The following CLMN variants were observed in gnomAD, a reference collection of about 807,000 sequenced individuals.
CLMN encodes the protein calmin, also known as calmin (calponin-like, transmembrane).
In CLMN, 57 loss-of-function variants were observed where a neutral mutation model predicts 92.7. The ratio of observed to expected loss-of-function variants is 0.61; its 90% CI spans 0.50 to 0.77. The LOEUF (loss-of-function observed/expected upper bound fraction) is 0.77, where lower values mean the gene tolerates loss of function less well. CLMN is among the 30% of genes least tolerant of loss of function. The pLI is 0.00. For missense variants in CLMN, 1,158 were observed against 1,237.5 expected (o/e 0.94, Z 0.96); for synonymous variants, 466 against 470.6 (o/e 0.99, Z 0.13).
intron 1 of CLMN, among the ~76,000 whole-genome samples, chr14:95,265,889 C>A (rs77414213): frequency 0.09 from 13,751 of 152,208 alleles, 630 homozygotes; most frequent in African/African-American, 0.12. Context: ...AACAGCTCCA[C>A]AACACAATCC....
intron 1 of CLMN, among the ~76,000 whole-genome samples, chr14:95,279,408 A>G (rs1900058094): frequency 6.6e-6 from 1 of 152,220 alleles, no homozygotes; most frequent in African/African-American, 2.4e-5. Flanking sequence ...GGAGTTAGCC[A>G]TGCCCCTGGC....
At chr14:95,257,762 G>A (rs1421137149) in intron 1 of CLMN, among the ~76,000 whole-genome samples, 1 of 152,186 alleles carries the variant, frequency 6.6e-6, no homozygotes, top group African/African-American at 2.4e-5. Context: ...CAGCACCCTG[G>A]TCCTCCCAGT....
chr14:95,203,583 G>C lies in CLMN; in HGVS notation c.1766C>G (p.Thr589Arg), dbSNP rs1167957012. 6.2e-7 allele frequency: 1 copy of C among 1,613,996 alleles called. No homozygotes were observed. Among genetic ancestry groups the C allele is most frequent in the Non-Finnish European group, 8.5e-7 (1 of 1,180,020 alleles). The change falls in exon 9 of 13, where the codon ACA becomes AGA. Residue 589 changes from threonine (T) to arginine (R), a missense_variant. Transcript: ENST00000298912. The stretch of plus-strand genomic sequence containing the variant: ...AGCCTCAGCATCCTCGTCAGGTTTT[G>C]TCTCATGAGGTGAAGGAACTTTGTT... ...AFNKVPSPHE[T>R]KPDEDAEAFE...
Position 95,186,249 on chromosome 14 carries a change from C to T in CLMN, c.*5315G>A, listed in dbSNP as rs2140548364. 6.6e-6 allele frequency: 1 copy of T among 152,500 alleles called. No homozygotes were observed. The highest frequency in any genetic ancestry group is 2.1e-4 in the South Asian group (1 of 4,826). 9.4% of individuals were successfully genotyped at this position (152,500 alleles called of 1,614,324 possible). On this transcript the variant is annotated 3_prime_UTR_variant, in exon 13 of 13. Transcript: ENST00000298912. ...CAGAGATCAACAACACAGGCTGCCC[C>T]CAGTGCCTCTGCCTTCCCTCTGTTC...
In CLMN at chr14:95,222,683, G is replaced by A. The variant is rs183265626; in HGVS notation, c.241-909C>T. 6.3e-5 allele frequency: 28 copies of A among 445,614 alleles called. No individual in the cohort carries two copies. In the East Asian group the frequency reaches 1.8e-3, roughly 29 times the overall value. The allele number at this position is 445,614 out of a possible 1,614,324, so 27.6% of individuals were successfully genotyped here. ...TTTTTCAGGAAGTCTTTTGGGGACC[G>A]TGCTCATGGCGAGGCCTCTAAGAAA... On this transcript the variant is annotated intron_variant, in intron 3 of 12. Coordinates refer to ENST00000298912, the MANE Select transcript of CLMN (RefSeq NM_024734.4).
In CLMN at chr14:95,203,573, G is replaced by C. The variant is rs144975674; in HGVS notation, c.1776C>G (p.Asp592Glu). ...GATTCTCAAAAGCCTCAGCATCCTCGTCAGGTTTTGTCTCATGAGGTGAAG... is the reference window on the plus strand; with the variant it reads ...GATTCTCAAAAGCCTCAGCATCCTCCTCAGGTTTTGTCTCATGAGGTGAAG... ...KVPSPHETKPDEDAEAFENHA... is the reference protein window; with the variant it reads ...KVPSPHETKPEEDAEAFENHA... The change falls in exon 9 of 13, where the codon GAC becomes GAG. Residue 592 changes from aspartate to glutamate, a missense_variant. Coordinates refer to ENST00000298912, the MANE Select transcript of CLMN (RefSeq NM_024734.4). The C allele has an allele frequency of 1.2e-5, 20 of 1,614,122 alleles. No individual in the cohort carries two copies. In the Admixed American group the frequency reaches 2.0e-4, roughly 16 times the overall value.
At chr14:95,305,079 C>T (rs1345914696) in intron 1 of CLMN, among the ~76,000 whole-genome samples, 9 of 152,156 alleles carry the variant, frequency 5.9e-5, no homozygotes, top group Admixed American at 4.6e-4. Flanking sequence ...TCAGATCAAG[C>T]GAAGCCAAGA....
intron 1 of CLMN, among the ~76,000 whole-genome samples, chr14:95,236,639 G>A (rs1595606916): frequency 6.6e-6 from 1 of 152,322 alleles, no homozygotes; most frequent in East Asian, 1.9e-4. Context: ...GCCATTGGGG[G>A]GCCTGTGTGA....
chr14:95,231,420 G>T (rs965203948), intron 1 of CLMN, among the ~76,000 whole-genome samples: 1 of 151,944 alleles, frequency 6.6e-6, no homozygotes, highest in Non-Finnish European at 1.5e-5. Context: ...GGATGGTCTC[G>T]ATCTCCTGAC....
intron 1 of CLMN, among the ~76,000 whole-genome samples, chr14:95,289,498 TAAATAAATAAACAAAC>T (rs59151104): frequency 0.22 from 27,688 of 126,518 alleles, 2,847 homozygotes; most frequent in South Asian, 0.29. Context: ...AATAAATAAA[TAAATAAATAAACAAAC>T]AAACAAACAA....
intron 1 of CLMN, among the ~76,000 whole-genome samples, chr14:95,254,769 C>G (rs966429722): frequency 2.6e-5 from 4 of 152,190 alleles, no homozygotes; most frequent in Non-Finnish European, 5.9e-5. Flanking sequence ...GCAATTACGG[C>G]TCACTGCAGC....
chr14:95,219,496 A>G (rs769612312), intron 4 of CLMN, among the ~76,000 whole-genome samples: 3 of 152,236 alleles, frequency 2.0e-5, no homozygotes, highest in African/African-American at 4.8e-5. Flanking sequence ...GAGCCCACGC[A>G]GCTTTCGGTC....
intron 1 of CLMN, among the ~76,000 whole-genome samples, chr14:95,234,662 A>C (rs1040378341): frequency 2.6e-5 from 4 of 152,188 alleles, no homozygotes; most frequent in Non-Finnish European, 5.9e-5. Context: ...GAAACTGGCC[A>C]GGCCTGGACT....
chr14:95,216,929 G>A (rs1355741546), intron 4 of CLMN, among the ~76,000 whole-genome samples: 2 of 152,138 alleles, frequency 1.3e-5, no homozygotes, highest in Admixed American at 6.5e-5. Flanking sequence ...TAGTAAGTGC[G>A]CCAGGTGATT....
intron 4 of CLMN, among the ~76,000 whole-genome samples, chr14:95,216,626 T>C (rs1323396933): frequency 6.6e-6 from 1 of 152,228 alleles, no homozygotes; most frequent in Non-Finnish European, 1.5e-5. Context: ...GTGAGTTGAC[T>C]GCTAATTAGA....
intron 1 of CLMN, among the ~76,000 whole-genome samples, chr14:95,254,947 G>C (rs909468063): frequency 1.6e-4 from 25 of 152,192 alleles, no homozygotes; most frequent in Admixed American, 6.5e-5. Context: ...CTCCCACCTT[G>C]CTGGGATTGA....
intron 1 of CLMN, among the ~76,000 whole-genome samples, chr14:95,270,855 A>G (rs764988877): frequency 1.3e-5 from 2 of 152,154 alleles, no homozygotes; most frequent in Non-Finnish European, 2.9e-5. Context: ...TCTGGATTCT[A>G]TGGTAATGGT....
rs5810718 is a variant in CLMN at position 95,274,978 on chromosome 14, C to CAAAA, written c.82+44729_82+44732dup. Among the ~76,000 whole-genome samples, 137 of 76,354 alleles carry CAAAA rather than the reference C, an allele frequency of 1.8e-3. 1 individual carries two copies. Among genetic ancestry groups the CAAAA allele is most frequent in the African/African-American group, 5.8e-3 (131 of 22,462 alleles). The allele number at this position is 76,354 out of a possible 152,430, so 50.1% of individuals were successfully genotyped here. On this transcript the variant is annotated intron_variant, in intron 1 of 12. Coordinates refer to ENST00000298912, the MANE Select transcript of CLMN (RefSeq NM_024734.4). ...CTGACGACAGGGCAACACTCTGTCT[C>CAAAA]AAAAAAAAAAAAAAAAAAAGTCACT...
chr14:95,220,668 C>T (rs72710121), intron 4 of CLMN, among the ~76,000 whole-genome samples: 1 of 152,186 alleles, frequency 6.6e-6, no homozygotes, highest in East Asian at 1.9e-4. Flanking sequence ...GCAGAGCCTA[C>T]CCCTGTTCAG....
Sources: allele counts gnomAD v4.1 joint callset (sites outside exome capture counted in the v4.1 genomes callset), GRCh38; gene constraint gnomAD v4.1.1; transcripts MANE v1.5; gene names NCBI Gene and HGNC (gene_info 2026-07-23, HGNC 2026-07-21).